The following TMEM184B variants were observed in gnomAD, a reference collection of about 807,000 sequenced individuals.
TMEM184B encodes transmembrane protein 184B, also known as putative MAPK-activating protein FM08.
A neutral mutation model predicts 41.8 loss-of-function variants in TMEM184B; 17 were observed. That is an observed-to-expected ratio of 0.41 (90% CI 0.28 to 0.61). The LOEUF is 0.61. TMEM184B is among the 20% of genes least tolerant of loss of function. The probability of loss-of-function intolerance (pLI) is 0.34; values close to 1 mark genes in which losing one functional copy is unlikely to be tolerated. For synonymous variants in TMEM184B, 240 were observed against 229.5 expected (o/e 1.05, Z -0.41); for missense variants, 393 against 557.8 (o/e 0.70, Z 2.98).
intron 1 of TMEM184B, among the ~76,000 whole-genome samples, chr22:38,251,138 AG>A (rs2092153167): frequency 6.6e-6 from 1 of 152,192 alleles, no homozygotes; most frequent in Non-Finnish European, 1.5e-5. Context: ...CAGGTCCCCC[AG>A]GGTGGAGGAG....
At chr22:38,257,349 G>A (rs186515958) in intron 1 of TMEM184B, among the ~76,000 whole-genome samples, 36 of 152,130 alleles carry the variant, frequency 2.4e-4, no homozygotes, top group East Asian at 1.4e-3. Context: ...GAAATGTACC[G>A]GCCAAATTTC....
chr22:38,225,553 T>C lies in TMEM184B; in HGVS notation c.658A>G (p.Ile220Val), dbSNP rs745446663. 3.7e-6 allele frequency: 6 copies of C among 1,605,122 alleles called. No individual in the cohort carries two copies. Among genetic ancestry groups the C allele is most frequent in the East Asian group, 4.5e-5 (2 of 44,052 alleles). The stretch of plus-strand genomic sequence containing the variant: ...GCGTAGAGGGCCAGGCTGACGGAGA[T>C]GTTGTAGATGATGGTCACGTAGAGG... ...GYLYVTIIYN[I>V]SVSLALYALF... The change falls in exon 7 of 9, where the codon ATC (isoleucine) becomes GTC (valine). Residue 220 changes from isoleucine to valine, a missense_variant. Physicochemically the swap from Ile to Val is conservative, Grantham distance 29. This residue lies in a region of TMEM184B where 271 missense variants were observed against 434.1 expected (regional missense o/e 0.62). Transcript: ENST00000361906. The surrounding 1 kb of genome is among the most constrained non-coding windows in gnomAD (Gnocchi z 4.4).
chr22:38,255,980 G>A (rs2092271722), intron 1 of TMEM184B, among the ~76,000 whole-genome samples: 1 of 151,940 alleles, frequency 6.6e-6, no homozygotes, highest in Admixed American at 6.6e-5. Context: ...GAATCTACAT[G>A]TGATAAAATT....
At chr22:38,267,492 G>C (rs2092460734) in intron 1 of TMEM184B, among the ~76,000 whole-genome samples, 1 of 151,266 alleles carries the variant, frequency 6.6e-6, no homozygotes, top group Admixed American at 6.6e-5. Flanking sequence ...GAGTGCAATG[G>C]CGTAGTCTCA....
At chr22:38,216,578 G>A (rs1056887820), downstream of TMEM184B, 2 of 162,866 alleles carry the variant, frequency 1.2e-5, no homozygotes, top group African/African-American at 4.8e-5. Flanking sequence ...CAACCCCTTA[G>A]GGCTTCTGGT....
rs189076986 is a variant in TMEM184B, at chr22:38,250,254, G to A, written c.-58-2235C>T. 4.7e-4 allele frequency among the ~76,000 whole-genome samples: 72 copies of A among 152,352 alleles called. 1 individual carries two copies. The South Asian group carries it at 7.7e-3, about 16-fold the overall frequency. On this transcript the variant is annotated intron_variant, in intron 1 of 8. Coordinates refer to ENST00000361906, the MANE Select transcript of TMEM184B (RefSeq NM_012264.5). ...TGTCTGCACTGCCCGCCTGCACCCC[G>A]GCTCCTCGCCAACGGCCGCAGCATC... is the stretch of plus-strand genomic sequence containing the variant.
intron 2 of TMEM184B, chr22:38,246,923 T>C (rs1339301244): frequency 1.6e-6 from 2 of 1,272,634 alleles, no homozygotes; most frequent in Non-Finnish European, 2.1e-6. Flanking sequence ...CCATCTGCTA[T>C]GAGCCAAAAG....
chr22:38,245,922 T>A lies in TMEM184B; in HGVS notation c.358+13A>T. On this transcript the variant is annotated intron_variant, in intron 3 of 8. Coordinates refer to ENST00000361906, the MANE Select transcript of TMEM184B (RefSeq NM_012264.5). ...CCCCCCGCCAGCCCTCCCCACTCCG[T>A]CCCCATCCTCACCCTCATAGCAGTC... 1 of 1,249,778 alleles carries A rather than the reference T, an allele frequency of 8.0e-7. No homozygotes were observed. Among genetic ancestry groups the A allele is most frequent in the Non-Finnish European group, 1.1e-6 (1 of 914,672 alleles). 77.4% of individuals were successfully genotyped at this position (1,249,778 alleles called of 1,614,324 possible). A position where few individuals can be genotyped will look rare whatever the true frequency, so the allele number is the denominator to read the frequency against.
rs1159841974 is a variant in TMEM184B at position 38,226,833 on chromosome 22, G to A, written c.563C>T (p.Ala188Val). 2 of 1,604,136 alleles carry A rather than the reference G, an allele frequency of 1.2e-6. No homozygotes were observed. Among genetic ancestry groups the A allele is most frequent in the African/African-American group, 1.3e-5 (1 of 74,804 alleles). The stretch of plus-strand genomic sequence containing the variant: ...GGCCTGGAGGACCACAGTGCTGACC[G>A]CCATGAGTGGCTTCACCACACAGAA... Reference protein sequence around the residue: ...LQFCVVKPLMAVSTVVLQAFG... With the variant: ...LQFCVVKPLMVVSTVVLQAFG... Residue 188 changes from alanine (A) to valine (V), a missense_variant, in exon 6 of 9, where the codon GCG becomes GTG. Transcript: ENST00000361906. The surrounding 1 kb of genome is among the most constrained non-coding windows in gnomAD (Gnocchi z 4.6).
intron 3 of TMEM184B, among the ~76,000 whole-genome samples, chr22:38,235,363 C>T (rs370599136): frequency 1.3e-5 from 2 of 152,244 alleles, no homozygotes; most frequent in African/African-American, 2.4e-5. Context: ...CAGTCCTCTC[C>T]CAAGAAAGGC....
At chr22:38,267,199 T>C (rs2092456331) in intron 1 of TMEM184B, among the ~76,000 whole-genome samples, 1 of 152,120 alleles carries the variant, frequency 6.6e-6, no homozygotes. Context: ...CTTAGTGGGA[T>C]GTGACTTTGT....
intron 1 of TMEM184B, among the ~76,000 whole-genome samples, chr22:38,250,548 GC>G (rs1485655620): frequency 1.8e-4 from 28 of 152,212 alleles, no homozygotes; most frequent in Non-Finnish European, 5.9e-5. Context: ...GAAAACCAGT[GC>G]CAGAAATATT....
chr22:38,252,630 G>C (rs961703669), intron 1 of TMEM184B, among the ~76,000 whole-genome samples: 1 of 152,254 alleles, frequency 6.6e-6, no homozygotes, highest in African/African-American at 2.4e-5. Context: ...AGCAAGCATC[G>C]GGCTTGGGCA....
intron 3 of TMEM184B, among the ~76,000 whole-genome samples, chr22:38,243,952 T>G (rs1908384257): frequency 6.6e-6 from 1 of 150,410 alleles, no homozygotes. Flanking sequence ...GTGCTGGGAG[T>G]GAGAGTGGCG....
chr22:38,218,293 T>A (rs1391167964), downstream of TMEM184B, among the ~76,000 whole-genome samples: 2 of 152,220 alleles, frequency 1.3e-5, no homozygotes, highest in Non-Finnish European at 2.9e-5. Context: ...TACTGTGGTC[T>A]GTGGGTCACG....
chr22:38,265,103 T>C (rs576325826), intron 1 of TMEM184B, among the ~76,000 whole-genome samples: 2 of 152,334 alleles, frequency 1.3e-5, no homozygotes, highest in East Asian at 3.9e-4. Flanking sequence ...CTCCTGGAGA[T>C]GAGGCTAGGA....
intron 1 of TMEM184B, among the ~76,000 whole-genome samples, chr22:38,262,209 C>A (rs1186024069): frequency 1.3e-5 from 2 of 152,238 alleles, no homozygotes; most frequent in African/African-American, 4.8e-5. Context: ...GCGGCAGGCA[C>A]CACGCGAAAG....
intron 1 of TMEM184B, among the ~76,000 whole-genome samples, chr22:38,257,910 C>G (rs2092309139): frequency 6.6e-6 from 1 of 152,150 alleles, no homozygotes; most frequent in Non-Finnish European, 1.5e-5. Context: ...TGCTATTCCC[C>G]TCTCCTCTGC....
downstream of TMEM184B, chr22:38,219,253 G>A: frequency 2.0e-6 from 2 of 985,520 alleles, no homozygotes; most frequent in Non-Finnish European, 2.4e-6. Flanking sequence ...CCAGAGCAGG[G>A]GGCAGGGAGG....
Sources: gnomAD v4.1 joint callset for allele counts (sites outside exome capture counted in the v4.1 genomes callset) on GRCh38, gnomAD v4.1.1 for gene constraint, gnomAD v4.1.1 regional missense constraint, Gnocchi (gnomAD v3.1) non-coding constraint, MANE v1.5 for transcripts, NCBI Gene and HGNC (gene_info 2026-07-23, HGNC 2026-07-21) for gene names.